The following PLEKHM3 variants were observed in gnomAD, a reference collection of about 807,000 sequenced individuals.
PLEKHM3 encodes the protein pleckstrin homology domain containing M3.
A neutral mutation model predicts 81.8 loss-of-function variants in PLEKHM3; 45 were observed. That is an observed-to-expected ratio of 0.55 (90% CI 0.43 to 0.71). The LOEUF (loss-of-function observed/expected upper bound fraction) is 0.71, where lower values mean the gene tolerates loss of function less well. Ranked by LOEUF, PLEKHM3 falls within the 30% of genes least tolerant of loss-of-function variation. The pLI is 0.00. For missense variants in PLEKHM3, 788 were observed against 924.3 expected (o/e 0.85, Z 1.91); for synonymous variants, 352 against 356.4 (o/e 0.99, Z 0.14).
intron 4 of PLEKHM3, among the ~76,000 whole-genome samples, chr2:207,937,428 G>C (rs1250405041): frequency 6.6e-6 from 1 of 152,102 alleles, no homozygotes; most frequent in Non-Finnish European, 1.5e-5. Flanking sequence ...AAATTAGCCA[G>C]GTGTAGTGGC....
At chr2:207,853,055 C>T (rs2092420836) in intron 7 of PLEKHM3, among the ~76,000 whole-genome samples, 1 of 152,152 alleles carries the variant, frequency 6.6e-6, no homozygotes, top group African/African-American at 2.4e-5. Flanking sequence ...CTAATAAACT[C>T]AACTATTTGT....
chr2:207,985,428 A>C (rs1400064250), intron 2 of PLEKHM3, among the ~76,000 whole-genome samples: 1 of 151,980 alleles, frequency 6.6e-6, no homozygotes, highest in East Asian at 1.9e-4. Flanking sequence ...ATGCTCATCA[A>C]ATACTTATTA....
At chr2:208,023,319 A>ATTTTTTTTTTTTTTTTTTTTTTTTT (rs1422430652) in intron 1 of PLEKHM3, among the ~76,000 whole-genome samples, 1 of 151,486 alleles carries the variant, frequency 6.6e-6, no homozygotes, top group African/African-American at 2.4e-5. Flanking sequence ...CATCTTAACT[A>ATTTTTTTTTTTTTTTTTTTTTTTTT]TTTTTAAGTG....
chr2:207,834,232 T>C (rs893027079), intron 7 of PLEKHM3, among the ~76,000 whole-genome samples: 14 of 151,258 alleles, frequency 9.3e-5, no homozygotes, highest in African/African-American at 2.9e-4. Context: ...CAGGTTCAAG[T>C]GATTCTCCTG....
At chr2:207,887,790 C>T (rs931343490) in intron 6 of PLEKHM3, among the ~76,000 whole-genome samples, 7 of 152,132 alleles carry the variant, frequency 4.6e-5, no homozygotes, top group Non-Finnish European at 8.8e-5. Flanking sequence ...CAGAGAACAA[C>T]AGCACTGCCA....
At chr2:207,983,042 T>C (rs1417137125) in intron 2 of PLEKHM3, among the ~76,000 whole-genome samples, 2 of 147,024 alleles carry the variant, frequency 1.4e-5, no homozygotes, top group Non-Finnish European at 3.0e-5. Flanking sequence ...AGTCAAATAT[T>C]AAACATGGAT....
Position 207,977,284 on chromosome 2 carries a change from C to G in PLEKHM3, c.913G>C (p.Glu305Gln), listed in dbSNP as rs561607853. ...EALDWGQKLW[E>Q]VVHAAVPGYM... ...CCGGGCACAGCAGCATGCACTACTTCCCAAAGCTTCTGTCCCCAGTCCAAA... is the reference window on the plus strand; with the variant it reads ...CCGGGCACAGCAGCATGCACTACTTGCCAAAGCTTCTGTCCCCAGTCCAAA... Residue 305 changes from glutamate to glutamine, a missense_variant, in exon 3 of 8, where the codon GAA becomes CAA. Glu to Gln is a conservative substitution (Grantham distance 29). Coordinates refer to ENST00000427836, the MANE Select transcript of PLEKHM3 (RefSeq NM_001080475.3). The G allele has an allele frequency of 5.6e-6, 9 of 1,614,202 alleles. No homozygotes were observed. The East Asian group carries it at 1.8e-4, about 32-fold the overall frequency.
intron 1 of PLEKHM3, among the ~76,000 whole-genome samples, chr2:208,010,446 G>A (rs1267223146): frequency 6.6e-6 from 1 of 152,224 alleles, no homozygotes. Flanking sequence ...GTCTAAAAAT[G>A]CAGACTTGAT....
chr2:207,918,899 C>T (rs1247099946), intron 5 of PLEKHM3, among the ~76,000 whole-genome samples: 2 of 152,116 alleles, frequency 1.3e-5, no homozygotes, highest in South Asian at 2.1e-4. Flanking sequence ...CAAAGCAAAA[C>T]GTCTACATTC....
At chr2:207,971,872 T>A (rs1015045774) in intron 3 of PLEKHM3, among the ~76,000 whole-genome samples, 1 of 152,238 alleles carries the variant, frequency 6.6e-6, no homozygotes, top group African/African-American at 2.4e-5. Context: ...AAGAACCTTC[T>A]GTGACTTCAG....
intron 2 of PLEKHM3, among the ~76,000 whole-genome samples, chr2:208,000,602 T>C (rs1692264103): frequency 6.6e-6 from 1 of 152,210 alleles, no homozygotes; most frequent in Non-Finnish European, 1.5e-5. Flanking sequence ...GGGCAGGGAT[T>C]GTGTCTTCAC....
chr2:207,930,318 A>C (rs1689547046), intron 5 of PLEKHM3, among the ~76,000 whole-genome samples: 1 of 152,130 alleles, frequency 6.6e-6, no homozygotes. Flanking sequence ...ACAGTGGCTC[A>C]CACCTGTAAT....
chr2:207,895,277 G>A (rs1298291571), intron 6 of PLEKHM3, among the ~76,000 whole-genome samples: 2 of 152,152 alleles, frequency 1.3e-5, no homozygotes, highest in South Asian at 4.1e-4. Context: ...ACCATACCAA[G>A]TCAGGGATGG....
rs140932566 is a variant in PLEKHM3 at position 207,868,135 on chromosome 2, C to T, written c.1951-6873G>A. 3.9e-3 allele frequency among the ~76,000 whole-genome samples: 590 copies of T among 152,164 alleles called. 8 individuals are homozygous for T. The highest frequency in any genetic ancestry group is 0.012 in the African/African-American group (490 of 41,506). Reference sequence around the variant, plus strand: ...GACCACAGTCCTCAACAGGGCTCAGCGTGGGGAAAAGTCCTAGAAACAGTG... The same window carrying T: ...GACCACAGTCCTCAACAGGGCTCAGTGTGGGGAAAAGTCCTAGAAACAGTG... On this transcript the variant is annotated intron_variant, in intron 6 of 7. Transcript: ENST00000427836.
At chr2:207,909,645 T>C (rs1459782887) in intron 5 of PLEKHM3, among the ~76,000 whole-genome samples, 1 of 152,176 alleles carries the variant, frequency 6.6e-6, no homozygotes, top group African/African-American at 2.4e-5. Context: ...TAGTCTAACA[T>C]GGTGGATTCC....
At chr2:208,000,982 CAAAAAG>C in intron 2 of PLEKHM3, 42 bp downstream of exon 2, 1 of 1,395,390 alleles carries the variant, frequency 7.2e-7, no homozygotes, top group Non-Finnish European at 9.5e-7. Flanking sequence ...GTCACAGCCC[CAAAAAG>C]AAAAAAAAAA....
chr2:207,956,172 A>G lies in PLEKHM3; in HGVS notation c.1547-9660T>C, dbSNP rs1433126627. Among the ~76,000 whole-genome samples the G allele has an allele frequency of 2.6e-5, 4 of 152,222 alleles. No individual in the cohort carries two copies. In the East Asian group the frequency reaches 7.7e-4, roughly 29 times the overall value. On this transcript the variant is annotated intron_variant, in intron 3 of 7. Transcript: ENST00000427836. Reference sequence around the variant, plus strand: ...AATGATAAAGTGAAGCTAGAACATAAGAATCCTGAGTGCTCAGAGTGAGAA... The same window carrying G: ...AATGATAAAGTGAAGCTAGAACATAGGAATCCTGAGTGCTCAGAGTGAGAA...
At chr2:207,997,710 G>A (rs1386152792) in intron 2 of PLEKHM3, among the ~76,000 whole-genome samples, 1 of 152,170 alleles carries the variant, frequency 6.6e-6, no homozygotes, top group Non-Finnish European at 1.5e-5. Flanking sequence ...TGAATTTGAG[G>A]TGCCTTTGGT....
rs34489704 is a variant in PLEKHM3 at position 207,836,318 on chromosome 2, T to TAA, written c.2109-7824_2109-7823dup. On this transcript the variant is annotated intron_variant, in intron 7 of 7. Transcript: ENST00000427836. The stretch of plus-strand genomic sequence containing the variant: ...CAGCCTGGGCGACAGAGAGAGAGTC[T>TAA]AAAAAAAAAAAAAAAAAAGCACCAT... 9.9e-5 allele frequency among the ~76,000 whole-genome samples: 13 copies of TAA among 131,846 alleles called. 3 individuals carry two copies. Among genetic ancestry groups the TAA allele is most frequent in the Non-Finnish European group, 9.8e-5 (6 of 61,520 alleles). The allele number at this position is 131,846 out of a possible 152,430, so 86.5% of individuals were successfully genotyped here. A position where few individuals can be genotyped will look rare whatever the true frequency, so the allele number is the denominator to read the frequency against.
Sources: gnomAD v4.1 joint callset for allele counts (sites outside exome capture counted in the v4.1 genomes callset) on GRCh38, gnomAD v4.1.1 for gene constraint, MANE v1.5 for transcripts, NCBI Gene and HGNC (gene_info 2026-07-23, HGNC 2026-07-21) for gene names.